The following GLS variants were observed in gnomAD, a reference collection of about 807,000 sequenced individuals.
GLS encodes the protein glutaminase kidney isoform, mitochondrial.
Under a neutral mutation model 86.7 loss-of-function variants are expected in GLS, and 36 were observed. The observed-to-expected ratio is 0.42, with a 90% CI of 0.32 to 0.55. The LOEUF is 0.55. Ranked by LOEUF, GLS falls within the 20% of genes least tolerant of loss-of-function variation. The pLI is 0.17. For synonymous variants in GLS, 317 were observed against 305.9 expected (o/e 1.04, Z -0.38); for missense variants, 528 against 833.4 (o/e 0.63, Z 4.51).
intron 1 of GLS, among the ~76,000 whole-genome samples, chr2:190,887,190 G>C (rs560337570): frequency 6.6e-6 from 1 of 152,266 alleles, no homozygotes; most frequent in African/African-American, 2.4e-5. Context: ...ATTAATTACT[G>C]ATATCTCTCA....
At position 190,895,929 on chromosome 2, in the gene GLS, C is replaced by T. The variant is rs576086425; in HGVS notation, c.605+204C>T. 1.6e-4 allele frequency: 57 copies of T among 352,394 alleles called. 1 individual carries two copies. The highest frequency in any genetic ancestry group is 2.5e-4 in the Non-Finnish European group (47 of 189,998). 21.8% of individuals were successfully genotyped at this position (352,394 alleles called of 1,614,324 possible). A position where few individuals can be genotyped will look rare whatever the true frequency, so the allele number is the denominator to read the frequency against. On this transcript the variant is annotated intron_variant, in intron 3 of 17. Transcript: ENST00000320717. This position sits in a 1 kb window ranked among gnomAD's most constrained non-coding sequence, Gnocchi z 4.2. Reference sequence around the variant, plus strand: ...AGAGTATTCTTTCTTTAAATCTGTTCTAAGCAAATTTAGCCACCGATGTTT... The same window carrying T: ...AGAGTATTCTTTCTTTAAATCTGTTTTAAGCAAATTTAGCCACCGATGTTT...
chr2:190,881,162 G>C lies in GLS; in HGVS notation c.78G>C (p.Arg26=). 1.3e-6 allele frequency: 2 copies of C among 1,542,142 alleles called. No homozygotes were observed. The highest frequency in any genetic ancestry group is 1.7e-6 in the Non-Finnish European group (2 of 1,151,946). ...RSPAGVSATL[R]RAQPLVTLCR... is the part of the protein sequence containing the mutation. Reference sequence around the variant, plus strand: ...CCGCCGGCGTGAGCGCGACTCTGCGGCGGGCACAGCCCTTGGTCACCCTGT... The same window carrying C: ...CCGCCGGCGTGAGCGCGACTCTGCGCCGGGCACAGCCCTTGGTCACCCTGT... The change falls in exon 1 of 18, where the codon CGG becomes CGC. Residue 26 remains arginine, a synonymous_variant. Transcript: ENST00000320717.
intron 7 of GLS, among the ~76,000 whole-genome samples, chr2:190,918,142 G>A (rs1689605563): frequency 6.6e-6 from 1 of 152,126 alleles, no homozygotes; most frequent in Non-Finnish European, 1.5e-5. Flanking sequence ...AACAGGTCAG[G>A]CTGTCCTCTG....
At chr2:190,917,505 C>T (rs962152846) in intron 7 of GLS, among the ~76,000 whole-genome samples, 1 of 152,184 alleles carries the variant, frequency 6.6e-6, no homozygotes, top group Non-Finnish European at 1.5e-5. Context: ...CACCTATGAT[C>T]ATGAAAGTTC....
At chr2:190,937,375 G>A (rs181593016) in intron 14 of GLS, among the ~76,000 whole-genome samples, 1 of 151,380 alleles carries the variant, frequency 6.6e-6, no homozygotes, top group African/African-American at 2.4e-5. Context: ...AAATGCACAT[G>A]ACTTTGAGAA....
chr2:190,939,875 T>C (rs973067224), intron 14 of GLS, among the ~76,000 whole-genome samples: 22 of 151,772 alleles, frequency 1.4e-4, no homozygotes, highest in African/African-American at 5.3e-4. Context: ...AAGATTTTAG[T>C]TGAAAAACTC....
intron 11 of GLS, 124 bp from the exon 12 acceptor site, chr2:190,927,175 GTTTATAT>G: frequency 1.3e-6 from 1 of 762,636 alleles, no homozygotes; most frequent in Non-Finnish European, 2.0e-6. Flanking sequence ...ATGTCCTCAA[GTTTATAT>G]TAAAGTAATC....
Position 190,947,905 on chromosome 2 carries a change from G to T in GLS, c.1651-5660G>T, listed in dbSNP as rs927456426. On this transcript the variant is annotated intron_variant, in intron 14 of 17. Coordinates refer to ENST00000320717, the MANE Select transcript of GLS (RefSeq NM_014905.5). This position sits in a 1 kb window ranked among gnomAD's most constrained non-coding sequence, Gnocchi z 5.0. Reference sequence around the variant, plus strand: ...TGTGTCAGCTTAGTTGGAAATACTCGTGGCGCTCTTTAACAGACCAGGAAG... The same window carrying T: ...TGTGTCAGCTTAGTTGGAAATACTCTTGGCGCTCTTTAACAGACCAGGAAG... 3.3e-5 allele frequency among the ~76,000 whole-genome samples: 5 copies of T among 152,142 alleles called. No individual in the cohort carries two copies. Among genetic ancestry groups the T allele is most frequent in the Admixed American group, 3.3e-4 (5 of 15,274 alleles).
chr2:190,890,957 GTTATT>G (rs1688542542), intron 1 of GLS, among the ~76,000 whole-genome samples: 1 of 151,810 alleles, frequency 6.6e-6, no homozygotes, highest in Admixed American at 6.6e-5. Flanking sequence ...AATATGAAAT[GTTATT>G]TAACAAAATA....
intron 6 of GLS, among the ~76,000 whole-genome samples, chr2:190,907,802 CT>C (rs1019583359): frequency 2.0e-5 from 3 of 152,162 alleles, no homozygotes; most frequent in African/African-American, 7.2e-5. Context: ...CTTGGAATAA[CT>C]TTTCTGACTA....
rs1690086769 is a variant in GLS at position 190,930,852 on chromosome 2, C to T, written c.1557+284C>T. Among the ~76,000 whole-genome samples, 1 of 152,108 alleles carries T rather than the reference C, an allele frequency of 6.6e-6. No individual in the cohort carries two copies. ...CAAAAGCTCAACAAAAGGTATTAAA[C>T]TTGGAGAAGTAATTTAAAAGCCAGT... On this transcript the variant is annotated intron_variant, in intron 13 of 17. Coordinates refer to ENST00000320717, the MANE Select transcript of GLS (RefSeq NM_014905.5). The surrounding 1 kb of genome is among the most constrained non-coding windows in gnomAD (Gnocchi z 5.0).
intron 1 of GLS, among the ~76,000 whole-genome samples, chr2:190,887,184 A>G (rs544780285): frequency 6.6e-6 from 1 of 152,324 alleles, no homozygotes; most frequent in East Asian, 1.9e-4. Context: ...ATAGTTATTA[A>G]TTACTGATAT....
At chr2:190,934,519 T>C (rs1344279409) in intron 14 of GLS, 4 of 983,814 alleles carry the variant, frequency 4.1e-6, no homozygotes, top group East Asian at 2.3e-4. Flanking sequence ...CCTTACTGCA[T>C]ATTTGTGTTG....
rs776277087 is a variant in GLS, at chr2:190,920,983, G to T, written c.1039-41G>T. On this transcript the variant is annotated intron_variant, in intron 7 of 17. Transcript: ENST00000320717. The surrounding 1 kb of genome is among the most constrained non-coding windows in gnomAD (Gnocchi z 4.2). ...ATTGGCTTGAAACTTAACTGTAGTG[G>T]TACCTATATTAACGTATTTATGTCT... The T allele has an allele frequency of 9.3e-7, 1 of 1,075,874 alleles. No individual in the cohort carries two copies. Among genetic ancestry groups the T allele is most frequent in the African/African-American group, 1.6e-5 (1 of 64,410 alleles). The allele number at this position is 1,075,874 out of a possible 1,614,324, so 66.6% of individuals were successfully genotyped here.
intron 1 of GLS, among the ~76,000 whole-genome samples, chr2:190,890,632 G>T (rs1164791963): frequency 6.6e-6 from 1 of 152,100 alleles, no homozygotes; most frequent in Non-Finnish European, 1.5e-5. Flanking sequence ...TTATTAATCT[G>T]CCAGTTTGCT....
At chr2:190,901,078 ATTTTC>A (rs543844219) in intron 4 of GLS, among the ~76,000 whole-genome samples, 64 of 152,100 alleles carry the variant, frequency 4.2e-4, no homozygotes, top group African/African-American at 1.4e-3. Flanking sequence ...GAAAGTTTTC[ATTTTC>A]TTTTGTTTTA....
At position 190,927,499 on chromosome 2, in the gene GLS, T is replaced by C. The variant is rs1009572059; in HGVS notation, c.1425+17T>C. The C allele has an allele frequency of 4.5e-6, 7 of 1,565,696 alleles. No individual in the cohort carries two copies. Among genetic ancestry groups the C allele is most frequent in the Non-Finnish European group, 6.1e-6 (7 of 1,147,176 alleles). On this transcript the variant is annotated intron_variant, in intron 12 of 17. Transcript: ENST00000320717. The stretch of plus-strand genomic sequence containing the variant: ...GCTTTCCATGTAAGTAATTGTTTAA[T>C]CTTATTTTCTCTGGCAAGAAACTAG...
rs764871516 is a variant in GLS, at chr2:190,881,427, T to C, written c.343T>C (p.Phe115Leu). ...GGACGGCCCCGGGGAGACGGACGCG[T>C]TTGGCAACAGCGAGGGCAAAGAGCT... ...PKDGPGETDAFGNSEGKELVA... is the reference protein window; with the variant it reads ...PKDGPGETDALGNSEGKELVA... Residue 115 changes from phenylalanine (F) to leucine (L), a missense_variant, in exon 1 of 18, where the codon TTT becomes CTT. By Grantham distance (22) the Phe-to-Leu change is conservative (BLOSUM62 0). Around this residue, in one of 4 missense-constraint regions of GLS, gnomAD observed 224 missense variants for 187.9 expected, o/e 1.19. Transcript: ENST00000320717. 6.5e-7 allele frequency: 1 copy of C among 1,545,664 alleles called. No homozygotes were observed.
At chr2:190,923,295 T>C (rs1689805551) in intron 9 of GLS, among the ~76,000 whole-genome samples, 1 of 152,318 alleles carries the variant, frequency 6.6e-6, no homozygotes, top group Admixed American at 6.5e-5. Flanking sequence ...GATAATTTGG[T>C]CCCAGTCTCC....
Sources: gnomAD v4.1 joint callset for allele counts (sites outside exome capture counted in the v4.1 genomes callset) on GRCh38, gnomAD v4.1.1 for gene constraint, gnomAD v4.1.1 regional missense constraint, Gnocchi (gnomAD v3.1) non-coding constraint, MANE v1.5 for transcripts, NCBI Gene and HGNC (gene_info 2026-07-23, HGNC 2026-07-21) for gene names.